CILP2: variants seen among roughly 807,000 people sequenced by gnomAD.
CILP2 encodes CILP-2.
CILP2 carries 38 observed loss-of-function variants against 45.6 expected under a neutral mutation model. That is an observed-to-expected ratio of 0.83 (90% CI 0.64 to 1.09). The LOEUF is 1.09. Among genes scored for constraint, CILP2 ranks in the 50% least tolerant of loss-of-function variants. The pLI is 0.00. For synonymous variants in CILP2, 780 were observed against 723.5 expected (o/e 1.08, Z -1.25); for missense variants, 1,735 against 1,662.2 (o/e 1.04, Z -0.76).
rs1226316171 is a variant in CILP2 at position 19,544,478 on chromosome 19, G to T, written c.1933G>T (p.Val645Leu). ...APLRTYGMFSVDLRAPGSAEQ... is the reference protein window; with the variant it reads ...APLRTYGMFSLDLRAPGSAEQ... ...ACTGCGCACCTACGGCATGTTCTCC[G>T]TGGACCTCCGTGCGCCCGGCTCCGC... The change falls in exon 8 of 8, where the codon GTG becomes TTG. Residue 645 changes from valine (V) to leucine (L), a missense_variant. Transcript: ENST00000291495. The T allele has an allele frequency of 1.2e-6, 2 of 1,606,948 alleles. No individual in the cohort carries two copies.
At position 19,544,461 on chromosome 19, in the gene CILP2, C is replaced by T. The variant is rs745701491; in HGVS notation, c.1916C>T (p.Thr639Ile). Residue 639 changes from threonine to isoleucine, a missense_variant, in exon 8 of 8, where the codon ACC (threonine) becomes ATC (isoleucine). Thr to Ile is a moderately conservative substitution (Grantham distance 89, BLOSUM62 -1). Transcript: ENST00000291495. ...GACGGCGAGCTGGCTCCACTGCGCA[C>T]CTACGGCATGTTCTCCGTGGACCTC... ...DSDGELAPLR[T>I]YGMFSVDLRA... The T allele has an allele frequency of 1.2e-6, 2 of 1,608,896 alleles. No individual in the cohort carries two copies. Among genetic ancestry groups the T allele is most frequent in the Non-Finnish European group, 8.5e-7 (1 of 1,179,614 alleles).
intron 7 of CILP2, 45 bp downstream of exon 7, chr19:19,543,450 G>A (rs1219416597): frequency 6.8e-6 from 11 of 1,606,888 alleles, no homozygotes; most frequent in African/African-American, 2.7e-5. Context: ...TCACCCAAAC[G>A]GAACCCGGAC....
Position 19,542,390 on chromosome 19 carries a change from C to G in CILP2, c.608C>G (p.Thr203Ser), listed in dbSNP as rs1444104150. 1 of 1,611,586 alleles carries G rather than the reference C, an allele frequency of 6.2e-7. No homozygotes were observed. Among genetic ancestry groups the G allele is most frequent in the African/African-American group, 1.3e-5 (1 of 74,868 alleles). The change falls in exon 5 of 8, where the codon ACC becomes AGC. Residue 203 changes from threonine to serine, a missense_variant. Thr to Ser is a moderately conservative substitution (Grantham distance 58, BLOSUM62 1). Transcript: ENST00000291495. ...RPRCPGCSLD[T>S]CECPDHILLG... ...ATCCCCCCAGGGTGCAGCCTTGACA[C>G]CTGTGAATGCCCGGACCACATCCTC...
At chr19:19,541,352 G>A in intron 4 of CILP2, 106 bp downstream of exon 4, 2 of 1,021,292 alleles carry the variant, frequency 2.0e-6, no homozygotes, top group Non-Finnish European at 2.5e-6. Flanking sequence ...GTGCCTGGAT[G>A]TAGAGAGGCA....
chr19:19,545,099 C>T lies in CILP2; in HGVS notation c.2554C>T (p.Pro852Ser), dbSNP rs1253789443. Reference sequence around the variant, plus strand: ...GTACCGTCGGACGGACCACGACGATCCCGCCTTCAAGCGTAACGGCTTCCG... The same window carrying T: ...GTACCGTCGGACGGACCACGACGATTCCGCCTTCAAGCGTAACGGCTTCCG... ...LGYRRTDHDD[P>S]AFKRNGFRIN... The change falls in exon 8 of 8, where the codon CCC (proline) becomes TCC (serine). Residue 852 changes from proline to serine, a missense_variant. Coordinates refer to ENST00000291495, the MANE Select transcript of CILP2 (RefSeq NM_153221.2). The T allele has an allele frequency of 1.2e-6, 2 of 1,611,420 alleles. No individual in the cohort carries two copies. The highest frequency in any genetic ancestry group is 1.7e-6 in the Non-Finnish European group (2 of 1,179,482).
chr19:19,542,452 CT>C lies in CILP2; in HGVS notation c.671del (p.Leu224GlnfsTer72). ...GGTCACCCCATCTGGGCAACCACTG[CT>C]AGGAGCCAGGGTCTCCCTGCGAGAC... ...SVVTPSGQPL[L>X]GARVSLRDQP... On this transcript the variant is annotated frameshift_variant, in exon 5 of 8. Transcript: ENST00000291495. LOFTEE classifies it high-confidence loss of function. 1 of 1,612,816 alleles carries C rather than the reference CT, an allele frequency of 6.2e-7. No homozygotes were observed. The highest frequency in any genetic ancestry group is 1.3e-5 in the African/African-American group (1 of 75,036).
chr19:19,546,335 C>T lies in CILP2; in HGVS notation c.*319C>T. On this transcript the variant is annotated 3_prime_UTR_variant, in exon 8 of 8. Transcript: ENST00000291495. ...TCTGACTTCTCGTGCGTATTTTGAC[C>T]CTGATTTCAATCTTCTACCCTTGGG... The T allele has an allele frequency of 4.2e-6, 1 of 238,088 alleles. No individual in the cohort carries two copies. The highest frequency in any genetic ancestry group is 8.1e-6 in the Non-Finnish European group (1 of 123,960). 14.7% of individuals were successfully genotyped at this position (238,088 alleles called of 1,614,324 possible).
At position 19,544,632 on chromosome 19, in the gene CILP2, GCTT is replaced by G. The variant is rs2061256617; in HGVS notation, c.2089_2091del (p.Phe697del). 1 of 1,551,262 alleles carries G rather than the reference GCTT, an allele frequency of 6.4e-7. No homozygotes were observed. The highest frequency in any genetic ancestry group is 1.4e-5 in the African/African-American group (1 of 73,814). The stretch of plus-strand genomic sequence containing the variant: ...ACCGGCTTGTGGGAGGAGGAGAGCG[GCTT>G]CCGGCGCGAGGGGTCCTCGGGCCCC... On this transcript the variant is annotated inframe_deletion, in exon 8 of 8. Transcript: ENST00000291495.
In CILP2 at chr19:19,546,430, C is replaced by G. The variant is rs1175136406; in HGVS notation, c.*414C>G. 1 of 157,754 alleles carries G rather than the reference C, an allele frequency of 6.3e-6. No individual in the cohort carries two copies. Among genetic ancestry groups the G allele is most frequent in the Non-Finnish European group, 1.4e-5 (1 of 71,952 alleles). The allele number at this position is 157,754 out of a possible 1,614,324, so 9.8% of individuals were successfully genotyped here. The stretch of plus-strand genomic sequence containing the variant: ...CAGTGCTAGACCAGGTCCCCTGCCC[C>G]GAGCTTTGTTTTTGGGGTTATTTAT... On this transcript the variant is annotated 3_prime_UTR_variant, in exon 8 of 8. Transcript: ENST00000291495.
Position 19,546,321 on chromosome 19 carries a change from G to A in CILP2, c.*305G>A, listed in dbSNP as rs1178716264. On this transcript the variant is annotated 3_prime_UTR_variant, in exon 8 of 8. Transcript: ENST00000291495. ...GCTCAGAAGCCGTCTCTGACTTCTC[G>A]TGCGTATTTTGACCCTGATTTCAAT... 9 of 270,892 alleles carry A rather than the reference G, an allele frequency of 3.3e-5. No individual in the cohort carries two copies. The highest frequency in any genetic ancestry group is 6.2e-5 in the Non-Finnish European group (9 of 144,244). 16.8% of individuals were successfully genotyped at this position (270,892 alleles called of 1,614,324 possible). A position where few individuals can be genotyped will look rare whatever the true frequency, so the allele number is the denominator to read the frequency against.
rs764005696 is a variant in CILP2 at position 19,543,330 on chromosome 19, G to T, written c.1060G>T (p.Ala354Ser). The change falls in exon 7 of 8, where the codon GCT becomes TCT. Residue 354 changes from alanine to serine, a missense_variant. Coordinates refer to ENST00000291495, the MANE Select transcript of CILP2 (RefSeq NM_153221.2). ...GCTGCGGGGACTGCGCCCAGACCAG[G>T]CTGGCATCTACCACTGCAAGGCATG... The part of the protein sequence containing the change: ...LELRGLRPDQ[A>S]GIYHCKAWNE... 32 of 1,613,684 alleles carry T rather than the reference G, an allele frequency of 2.0e-5. No individual in the cohort carries two copies. The highest frequency in any genetic ancestry group is 2.5e-5 in the Non-Finnish European group (29 of 1,179,990).
rs1568368221 is a variant in CILP2, at chr19:19,538,424, TCCAGCCCCCGCGC to T, written c.64+20_64+32del. ...TGGCGGGGGCCCGAGGTGAGGCGCC[TCCAGCCCCCGCGC>T]CCAGCCCCTGAGGCTCCCGAGGGCC... On this transcript the variant is annotated intron_variant, in intron 1 of 7. Coordinates refer to ENST00000291495, the MANE Select transcript of CILP2 (RefSeq NM_153221.2). 2.0e-6 allele frequency: 3 copies of T among 1,526,776 alleles called. No homozygotes were observed. Among genetic ancestry groups the T allele is most frequent in the Admixed American group, 4.0e-5 (2 of 50,596 alleles). The allele number at this position is 1,526,776 out of a possible 1,614,324, so 94.6% of individuals were successfully genotyped here. A position where few individuals can be genotyped will look rare whatever the true frequency, so the allele number is the denominator to read the frequency against.
In CILP2 at chr19:19,540,051, C is replaced by T. The variant is rs2061237831; in HGVS notation, c.164-153C>T. On this transcript the variant is annotated intron_variant, in intron 2 of 7. Transcript: ENST00000291495. Reference sequence around the variant, plus strand: ...GTCGCGGGGAACCCAGTCTGCCCTGCACCTGTTTCAGGCCGCTGGCTCGGG... The same window carrying T: ...GTCGCGGGGAACCCAGTCTGCCCTGTACCTGTTTCAGGCCGCTGGCTCGGG... 15 of 1,085,656 alleles carry T rather than the reference C, an allele frequency of 1.4e-5. No homozygotes were observed. The South Asian group carries it at 2.4e-4, about 18-fold the overall frequency. The allele number at this position is 1,085,656 out of a possible 1,614,324, so 67.3% of individuals were successfully genotyped here. A position where few individuals can be genotyped will look rare whatever the true frequency, so the allele number is the denominator to read the frequency against.
Position 19,541,138 on chromosome 19 carries a change from T to C in CILP2, c.484T>C (p.Cys162Arg). 7.9e-7 allele frequency: 1 copy of C among 1,261,700 alleles called. No homozygotes were observed. The allele number at this position is 1,261,700 out of a possible 1,614,324, so 78.2% of individuals were successfully genotyped here. ...CCCGTGGGGTCCCTGCTCGGGGAGC[T>C]GTGGGCCAGGCCGTCGCTTGCGCCG... ...WGPWGPCSGSCGPGRRLRRRH... is the reference protein window; with the variant it reads ...WGPWGPCSGSRGPGRRLRRRH... The change falls in exon 4 of 8, where the codon TGT becomes CGT. Residue 162 changes from cysteine (C) to arginine (R), a missense_variant. Cys to Arg is a radical substitution (Grantham distance 180). Transcript: ENST00000291495.
In CILP2 at chr19:19,538,299, C is replaced by A. The variant is rs762854079; in HGVS notation, c.-51C>A. 1 of 1,519,818 alleles carries A rather than the reference C, an allele frequency of 6.6e-7. No homozygotes were observed. The highest frequency in any genetic ancestry group is 2.5e-5 in the East Asian group (1 of 39,518). The allele number at this position is 1,519,818 out of a possible 1,614,324, so 94.1% of individuals were successfully genotyped here. On this transcript the variant is annotated 5_prime_UTR_variant, in exon 1 of 8. Coordinates refer to ENST00000291495, the MANE Select transcript of CILP2 (RefSeq NM_153221.2). ...GGCCGCCAGACCCGCCGGAGTTGGACCCGAGCACGCCGCGGAGCCCGGACC... is the reference window on the plus strand; with the variant it reads ...GGCCGCCAGACCCGCCGGAGTTGGAACCGAGCACGCCGCGGAGCCCGGACC...
In CILP2 at chr19:19,544,728, A is replaced by G. The variant is rs1266578824; in HGVS notation, c.2183A>G (p.Asn728Ser). 2.5e-6 allele frequency: 4 copies of G among 1,601,236 alleles called. No homozygotes were observed. The highest frequency in any genetic ancestry group is 4.5e-5 in the East Asian group (2 of 44,672). ...NVEIRERRLFNLDVPERRRCF... is the reference protein window; with the variant it reads ...NVEIRERRLFSLDVPERRRCF... ...GAGATCCGGGAGCGGCGCCTGTTCA[A>G]TCTGGACGTGCCTGAGCGCCGCCGC... is the stretch of plus-strand genomic sequence containing the variant. Residue 728 changes from asparagine (N) to serine (S), a missense_variant, in exon 8 of 8, where the codon AAT (asparagine) becomes AGT (serine). Coordinates refer to ENST00000291495, the MANE Select transcript of CILP2 (RefSeq NM_153221.2).
At chr19:19,542,332 T>C (rs201110187) in intron 4 of CILP2, 43 bp from the exon 5 acceptor site, 2 of 1,572,076 alleles carry the variant, frequency 1.3e-6, no homozygotes, top group African/African-American at 1.4e-5. Flanking sequence ...CAGGAGGGAG[T>C]GTGAAGGTTT....
At position 19,545,246 on chromosome 19, in the gene CILP2, AGG is replaced by A; in HGVS notation, c.2703_2704del (p.Arg901SerfsTer165). The A allele has an allele frequency of 6.2e-7, 1 of 1,612,338 alleles. No individual in the cohort carries two copies. Among genetic ancestry groups the A allele is most frequent in the South Asian group, 1.1e-5 (1 of 91,046 alleles). ...PVTASHFRFA[R>X]VEADKYEYNV... is the part of the protein sequence containing the mutation. Reference sequence around the variant, plus strand: ...GACTGCCAGCCACTTCCGCTTCGCCAGGGTGGAGGCGGACAAGTACGAGTACA... The same window carrying A: ...GACTGCCAGCCACTTCCGCTTCGCCAGTGGAGGCGGACAAGTACGAGTACA... On this transcript the variant is annotated frameshift_variant, in exon 8 of 8. Coordinates refer to ENST00000291495, the MANE Select transcript of CILP2 (RefSeq NM_153221.2). LOFTEE classifies it low-confidence loss of function (END_TRUNC).
At position 19,543,713 on chromosome 19, in the gene CILP2, C is replaced by G. The variant is rs200911558; in HGVS notation, c.1168C>G (p.Arg390Gly). The G allele has an allele frequency of 6.2e-6, 10 of 1,603,686 alleles. No individual in the cohort carries two copies. Among genetic ancestry groups the G allele is most frequent in the African/African-American group, 4.0e-5 (3 of 74,692 alleles). ...CCAGCCAGCCTGCGACCCCCGGCCC[C>G]GAGAGTACCTGATCAAGCTCCCTGA... ...PGQPACDPRPREYLIKLPEDC... is the reference protein window; with the variant it reads ...PGQPACDPRPGEYLIKLPEDC... Residue 390 changes from arginine (R) to glycine (G), a missense_variant, in exon 8 of 8, where the codon CGA becomes GGA. Arg to Gly is a moderately radical substitution (Grantham distance 125). Coordinates refer to ENST00000291495, the MANE Select transcript of CILP2 (RefSeq NM_153221.2).
Sources: allele counts gnomAD v4.1 joint callset, GRCh38; gene constraint gnomAD v4.1.1; transcripts MANE v1.5; gene names NCBI Gene and HGNC (gene_info 2026-07-23, HGNC 2026-07-21).